The following CNTNAP2 variants were observed in gnomAD, a reference collection of about 807,000 sequenced individuals.
CNTNAP2 encodes contactin-associated protein-like 2.
CNTNAP2 carries 98 observed loss-of-function variants against 155.2 expected under a neutral mutation model. The observed-to-expected ratio is 0.63, with a 90% CI of 0.54 to 0.75. The LOEUF (loss-of-function observed/expected upper bound fraction) is 0.75. CNTNAP2 is among the 30% of genes least tolerant of loss of function. CNTNAP2 has a pLI of 0.00. For missense variants in CNTNAP2, 1,727 were observed against 1,688.1 expected (o/e 1.02, Z -0.40); for synonymous variants, 651 against 631.2 (o/e 1.03, Z -0.47).
intron 15 of CNTNAP2, among the ~76,000 whole-genome samples, chr7:148,041,856 C>A (rs1420235967): frequency 1.3e-5 from 2 of 152,154 alleles, no homozygotes; most frequent in African/African-American, 4.8e-5. Context: ...GATAGAACCT[C>A]CACGGAATAT....
At chr7:146,863,289 A>T (rs539570051) in intron 3 of CNTNAP2, among the ~76,000 whole-genome samples, 1 of 152,242 alleles carries the variant, frequency 6.6e-6, no homozygotes, top group South Asian at 2.1e-4. Flanking sequence ...TTTAAAAAGG[A>T]GCTTTATTAT....
chr7:146,412,122 C>T (rs1030577891), intron 1 of CNTNAP2, among the ~76,000 whole-genome samples: 1 of 152,020 alleles, frequency 6.6e-6, no homozygotes, highest in African/African-American at 2.4e-5. Context: ...AGTGAGCCAC[C>T]GCGCCCGGCC....
chr7:147,307,415 TA>T (rs71526000), intron 9 of CNTNAP2, among the ~76,000 whole-genome samples: 1 of 150,594 alleles, frequency 6.6e-6, no homozygotes, highest in East Asian at 2.0e-4. Context: ...CTATCTCTAC[TA>T]AAAAAAACCA....
At chr7:146,652,420 T>C (rs1799931129) in intron 1 of CNTNAP2, among the ~76,000 whole-genome samples, 1 of 152,182 alleles carries the variant, frequency 6.6e-6, no homozygotes, top group Non-Finnish European at 1.5e-5. Context: ...CAAACTGCTT[T>C]CAGAATTGCT....
chr7:148,209,020 A>T (rs1328887015), intron 18 of CNTNAP2, among the ~76,000 whole-genome samples: 1 of 152,174 alleles, frequency 6.6e-6, no homozygotes, highest in Non-Finnish European at 1.5e-5. Flanking sequence ...TGTAAATACC[A>T]TCATAAAAAT....
intron 20 of CNTNAP2, among the ~76,000 whole-genome samples, chr7:148,256,645 G>T (rs1438641659): frequency 1.3e-5 from 2 of 152,146 alleles, no homozygotes; most frequent in Admixed American, 6.5e-5. Flanking sequence ...ACAGTCAGGT[G>T]ATTCGGGTTT....
chr7:147,486,623 A>C (rs2116639587), intron 11 of CNTNAP2, among the ~76,000 whole-genome samples: 1 of 152,358 alleles, frequency 6.6e-6, no homozygotes, highest in African/African-American at 2.4e-5. Flanking sequence ...AAAAATAAAA[A>C]GTAACATGCA....
chr7:146,355,714 T>C (rs557835341), intron 1 of CNTNAP2, among the ~76,000 whole-genome samples: 5 of 152,326 alleles, frequency 3.3e-5, no homozygotes, highest in South Asian at 2.1e-4. Context: ...TTGTGAAATA[T>C]CATTTCATTT....
chr7:146,917,333 C>T (rs944954312), intron 3 of CNTNAP2, among the ~76,000 whole-genome samples: 1 of 151,996 alleles, frequency 6.6e-6, no homozygotes, highest in African/African-American at 2.4e-5. Context: ...CCATTTGTTC[C>T]AGGGTATAGT....
chr7:146,806,190 A>G (rs550406128), intron 2 of CNTNAP2, among the ~76,000 whole-genome samples: 86 of 152,278 alleles, frequency 5.6e-4, no homozygotes, highest in African/African-American at 2.0e-3. Flanking sequence ...TTTCAGTTAT[A>G]TATTTGCAAT....
intron 12 of CNTNAP2, among the ~76,000 whole-genome samples, chr7:147,620,254 C>G (rs1255116568): frequency 1.3e-5 from 2 of 152,128 alleles, no homozygotes; most frequent in East Asian, 3.9e-4. Context: ...AAATATCTAG[C>G]TTTTTAATGC....
At chr7:146,826,857 T>TAG (rs1554485885) in intron 2 of CNTNAP2, among the ~76,000 whole-genome samples, 2,352 of 138,892 alleles carry the variant, frequency 0.017, 27 homozygotes, top group African/African-American at 0.041. Flanking sequence ...TATATATATA[T>TAG]AGAGAGAGAG....
intron 10 of CNTNAP2, among the ~76,000 whole-genome samples, chr7:147,448,486 A>G (rs201208062): frequency 2.4e-4 from 24 of 99,034 alleles, no homozygotes; most frequent in African/African-American, 5.8e-4. Flanking sequence ...GTGTGTGTGT[A>G]TATATATATA....
At chr7:148,268,336 A>C (rs1796711678) in intron 21 of CNTNAP2, among the ~76,000 whole-genome samples, 1 of 152,076 alleles carries the variant, frequency 6.6e-6, no homozygotes, top group African/African-American at 2.4e-5. Context: ...CAAAATGAGG[A>C]GTGAGTAGGA....
chr7:147,615,896 G>T (rs1801282621), intron 12 of CNTNAP2, among the ~76,000 whole-genome samples: 1 of 152,040 alleles, frequency 6.6e-6, no homozygotes, highest in Non-Finnish European at 1.5e-5. Context: ...TGTTGAAACT[G>T]ATCATGTGGC....
chr7:148,300,892 T>A (rs1201045940), intron 21 of CNTNAP2, among the ~76,000 whole-genome samples: 1 of 151,792 alleles, frequency 6.6e-6, no homozygotes, highest in Non-Finnish European at 1.5e-5. Context: ...TGTTGTTTAA[T>A]GGGTATAGAG....
At chr7:147,743,653 T>C (rs1297166160) in intron 13 of CNTNAP2, among the ~76,000 whole-genome samples, 1 of 151,662 alleles carries the variant, frequency 6.6e-6, no homozygotes, top group African/African-American at 2.4e-5. Context: ...TCCCACTTAG[T>C]TGAGTGCCAT....
intron 9 of CNTNAP2, among the ~76,000 whole-genome samples, chr7:147,356,434 G>C (rs935573777): frequency 6.6e-6 from 1 of 152,138 alleles, no homozygotes; most frequent in African/African-American, 2.4e-5. Flanking sequence ...TCTGGCCAGG[G>C]CAATCAGGCA....
chr7:146,767,281 A>G (rs1266639513), intron 1 of CNTNAP2, among the ~76,000 whole-genome samples: 1 of 152,206 alleles, frequency 6.6e-6, no homozygotes, highest in African/African-American at 2.4e-5. Flanking sequence ...AAATAATAAA[A>G]GATCTCTAAT....
Sources: gnomAD v4.1 joint callset for allele counts (sites outside exome capture counted in the v4.1 genomes callset) on GRCh38, gnomAD v4.1.1 for gene constraint, MANE v1.5 for transcripts, NCBI Gene and HGNC (gene_info 2026-07-23, HGNC 2026-07-21) for gene names.